GNL3L: variants seen among roughly 807,000 people sequenced by gnomAD.
GNL3L encodes the protein guanine nucleotide-binding protein-like 3-like protein.
A neutral mutation model predicts 42.9 loss-of-function variants in GNL3L; 4 were observed. That is an observed-to-expected ratio of 0.09 (90% confidence interval 0.05 to 0.21). The LOEUF is 0.21. Ranked by LOEUF, GNL3L falls within the 10% of genes least tolerant of loss-of-function variation. GNL3L has a pLI of 1.00. For synonymous variants in GNL3L, 159 were observed against 176.3 expected, an observed-to-expected ratio of 0.90 and a Z score of 0.78; for missense variants, 412 against 481.7, an observed-to-expected ratio of 0.86 and a Z score of 1.36.
At chrX:54,612,385 C>T (rs5914145) in intron 16 of GNL3L, among the ~76,000 whole-genome samples, 11,725 of 111,302 alleles carry the variant, frequency 0.11, 1,368 homozygotes, top group African/African-American at 0.34. Context: ...TTAAGTGGAG[C>T]GTTTAGGCCA....
intron 16 of GNL3L, among the ~76,000 whole-genome samples, chrX:54,572,835 G>A (rs1483348451): frequency 6.5e-5 from 7 of 107,062 alleles, no homozygotes; most frequent in South Asian, 4.2e-4. Flanking sequence ...CAGGCGGGGC[G>A]GCCGGGCAGA....
At chrX:54,617,564 G>A (rs1277291369) in intron 16 of GNL3L, among the ~76,000 whole-genome samples, 1 of 112,022 alleles carries the variant, frequency 8.9e-6, no homozygotes, top group Non-Finnish European at 1.9e-5. Context: ...AACTTCTCTG[G>A]TTGCTGGGGT....
chrX:54,632,468 AT>A, the GNL3L span, among the ~76,000 whole-genome samples: 3 of 101,784 alleles, frequency 2.9e-5, no homozygotes, highest in Non-Finnish European at 6.0e-5. Flanking sequence ...TCTTTTTTGG[AT>A]TTTTTTTCTT....
rs139764430 is a variant in GNL3L at position 54,542,916 on chromosome X, C to T, written c.307-39C>T. 1,114 of 884,125 alleles carry T rather than the reference C, an allele frequency of 1.3e-3. 9 individuals carry two copies. The African/African-American group carries it at 0.02, about 16-fold the overall frequency. 72.9% of individuals were successfully genotyped at this position (884,125 alleles called of 1,213,427 possible). A position where few individuals can be genotyped will look rare whatever the true frequency, so the allele number is the denominator to read the frequency against. ...TGCTTCTCTTTCTCGCTCTCTCCCC[C>T]TCCTCCCCTGGACCATTCTCTTTTT... On this transcript the variant is annotated intron_variant, in intron 5 of 15. Transcript: ENST00000360845.
rs940049432 is a variant in GNL3L, at chrX:54,564,055, C to T, written c.*3453C>T. Among the ~76,000 whole-genome samples the T allele has an allele frequency of 8.2e-5, 9 of 109,800 alleles. No individual in the cohort carries two copies. The highest frequency in any genetic ancestry group is 2.7e-4 in the African/African-American group (8 of 30,082). On this transcript the variant is annotated 3_prime_UTR_variant, in exon 16 of 16. Transcript: ENST00000360845. Reference sequence around the variant, plus strand: ...AAAACTCTCCAGGCCCTTTTGTAGTCAACTCCTACCCCCGACCCTCAGATT... The same window carrying T: ...AAAACTCTCCAGGCCCTTTTGTAGTTAACTCCTACCCCCGACCCTCAGATT...
At chrX:54,634,660 T>C in the GNL3L span, among the ~76,000 whole-genome samples, 1 of 96,647 alleles carries the variant, frequency 1.0e-5, no homozygotes, top group Non-Finnish European at 2.0e-5. Flanking sequence ...TTTTTTTTTT[T>C]GTATTTTTAG....
intron 5 of GNL3L, among the ~76,000 whole-genome samples, chrX:54,542,732 T>C (rs1924659931): frequency 1.8e-5 from 2 of 111,917 alleles, no homozygotes; most frequent in Admixed American, 9.5e-5. Context: ...AAAGTGTTCC[T>C]ATTTCTTCAC....
chrX:54,614,129 C>A (rs1926194839), intron 16 of GNL3L, among the ~76,000 whole-genome samples: 1 of 110,314 alleles, frequency 9.1e-6, no homozygotes, highest in African/African-American at 3.3e-5. Flanking sequence ...GTGAGATTCC[C>A]AGATCACTGG....
chrX:54,541,906 T>C (rs761095686), intron 5 of GNL3L, among the ~76,000 whole-genome samples: 1 of 110,851 alleles, frequency 9.0e-6, no homozygotes, highest in East Asian at 2.9e-4. Flanking sequence ...GATTGTTTTT[T>C]TCACACCTCC....
intron 16 of GNL3L, among the ~76,000 whole-genome samples, chrX:54,596,634 C>T (rs758591832): frequency 1.8e-5 from 2 of 112,252 alleles, no homozygotes; most frequent in Admixed American, 1.9e-4. Context: ...GTGTCCTTCT[C>T]TTTAGGGTAG....
At chrX:54,629,955 G>A in the GNL3L span, among the ~76,000 whole-genome samples, 2 of 111,458 alleles carry the variant, frequency 1.8e-5, no homozygotes, top group African/African-American at 6.5e-5. Flanking sequence ...TCTATTCAGA[G>A]TTTATATTTC....
chrX:54,572,751 G>A (rs1357023917), intron 16 of GNL3L, among the ~76,000 whole-genome samples: 1 of 110,752 alleles, frequency 9.0e-6, no homozygotes, highest in Non-Finnish European at 1.9e-5. Context: ...TTCCCAGACG[G>A]GGTGGCTGCC....
At chrX:54,601,242 C>G (rs983953732) in intron 16 of GNL3L, among the ~76,000 whole-genome samples, 9 of 111,125 alleles carry the variant, frequency 8.1e-5, no homozygotes, top group African/African-American at 3.0e-4. Context: ...TAAGGAGTTT[C>G]TTTTGGGGCT....
intron 3 of GNL3L, 36 bp from the exon 4 acceptor site, chrX:54,540,099 A>C (rs1227061663): frequency 1.2e-5 from 11 of 948,667 alleles, no homozygotes; most frequent in Non-Finnish European, 1.5e-5. Context: ...CCATGGGTTC[A>C]TTACCTCTGT....
intron 11 of GNL3L, 38 bp downstream of exon 11, chrX:54,551,780 C>T (rs754060559): frequency 2.5e-6 from 3 of 1,206,694 alleles, no homozygotes; most frequent in Non-Finnish European, 3.4e-6. Flanking sequence ...CTGCCCTACT[C>T]TAAGGGCCCT....
At chrX:54,556,769 GACC>G (rs1925108647) in intron 14 of GNL3L, among the ~76,000 whole-genome samples, 1 of 111,669 alleles carries the variant, frequency 9.0e-6, no homozygotes, top group African/African-American at 3.3e-5. Flanking sequence ...GTAGTATGTT[GACC>G]ACCACTATCA....
chrX:54,643,120 A>T, the GNL3L span, among the ~76,000 whole-genome samples: 1 of 111,935 alleles, frequency 8.9e-6, no homozygotes, highest in Non-Finnish European at 1.9e-5. Flanking sequence ...TTCATATAAC[A>T]CTTAACATCT....
intron 16 of GNL3L, among the ~76,000 whole-genome samples, chrX:54,619,724 A>T (rs1053999457): frequency 1.8e-5 from 2 of 110,801 alleles, no homozygotes; most frequent in Non-Finnish European, 3.8e-5. Context: ...TGATATGGGG[A>T]TGGAGTTAGG....
chrX:54,610,509 C>A (rs149105680), intron 16 of GNL3L, among the ~76,000 whole-genome samples: 3,836 of 110,978 alleles, frequency 0.035, 161 homozygotes, highest in African/African-American at 0.12. Flanking sequence ...GCTTTTATTA[C>A]ACTAAGGTAT....
Sources: allele counts gnomAD v4.1 joint callset (sites outside exome capture counted in the v4.1 genomes callset), GRCh38; gene constraint gnomAD v4.1.1; transcripts MANE v1.5; gene names NCBI Gene and HGNC (gene_info 2026-07-23, HGNC 2026-07-21).